The following ATL2 variants were observed in gnomAD, a reference collection of about 807,000 sequenced individuals.
ATL2 encodes the protein atlastin-2.
ATL2 carries 31 observed loss-of-function variants against 73.9 expected under a neutral mutation model. That is an observed-to-expected ratio of 0.42 (90% CI 0.32 to 0.57). The LOEUF (loss-of-function observed/expected upper bound fraction) is 0.57, where lower values mean the gene tolerates loss of function less well. Ranked by LOEUF, ATL2 falls within the 20% of genes least tolerant of loss-of-function variation. ATL2 has a pLI of 0.14. For synonymous variants in ATL2, 291 were observed against 237.5 expected (o/e 1.23, Z -2.07); for missense variants, 738 against 702.6 (o/e 1.05, Z -0.57).
chr2:38,358,442 C>A (rs1450358868), intron 1 of ATL2: 1 of 167,548 alleles, frequency 6.0e-6, no homozygotes, highest in Non-Finnish European at 1.3e-5. Context: ...GTGGCTCACA[C>A]CTGTAATCCC....
At chr2:38,363,236 A>T (rs957182208) in intron 1 of ATL2, among the ~76,000 whole-genome samples, 2 of 152,182 alleles carry the variant, frequency 1.3e-5, no homozygotes, top group African/African-American at 4.8e-5. Context: ...TCCTCCAACT[A>T]AGCCAAACTG....
At chr2:38,332,993 G>C (rs1045264121) in intron 2 of ATL2, among the ~76,000 whole-genome samples, 1 of 151,978 alleles carries the variant, frequency 6.6e-6, no homozygotes, top group Non-Finnish European at 1.5e-5. Context: ...GGAGTTCAAG[G>C]ACAGCCTGGG....
chr2:38,322,913 A>C (rs1409708238), intron 2 of ATL2, among the ~76,000 whole-genome samples: 1 of 152,208 alleles, frequency 6.6e-6, no homozygotes, highest in Non-Finnish European at 1.5e-5. Context: ...TGAAAAAATA[A>C]ATCAGAGAAC....
intron 11 of ATL2, 98 bp downstream of exon 11, chr2:38,299,158 C>A: frequency 3.4e-6 from 4 of 1,168,886 alleles, no homozygotes; most frequent in Non-Finnish European, 4.5e-6. Context: ...ATAAGCTGCA[C>A]AAATTCGCTC....
chr2:38,370,587 G>A (rs369233113), intron 1 of ATL2, among the ~76,000 whole-genome samples: 16 of 151,476 alleles, frequency 1.1e-4, no homozygotes, highest in African/African-American at 1.7e-4. Flanking sequence ...CCTGACCAAC[G>A]TGGTAAGACC....
chr2:38,331,319 C>T (rs980829808), intron 2 of ATL2, among the ~76,000 whole-genome samples: 1 of 151,642 alleles, frequency 6.6e-6, no homozygotes, highest in Non-Finnish European at 1.5e-5. Context: ...ACCTGTAGTC[C>T]CAGTTACTCA....
At chr2:38,310,497 T>C (rs780327810) in intron 7 of ATL2, 50 bp from the exon 8 acceptor site, 8 of 1,532,172 alleles carry the variant, frequency 5.2e-6, no homozygotes, top group Non-Finnish European at 7.1e-6. Flanking sequence ...AAAGAAAATT[T>C]TTTTAAAGAA....
At chr2:38,367,274 A>C (rs572826414) in intron 1 of ATL2, among the ~76,000 whole-genome samples, 4 of 151,970 alleles carry the variant, frequency 2.6e-5, no homozygotes, top group Non-Finnish European at 4.4e-5. Context: ...ACTCTCCGAC[A>C]ATAAAAAGAG....
At chr2:38,311,338 A>T (rs190645625) in intron 7 of ATL2, among the ~76,000 whole-genome samples, 6 of 148,516 alleles carry the variant, frequency 4.0e-5, no homozygotes, top group Admixed American at 3.4e-4. Context: ...TTAAACTTAG[A>T]AACATTTTAG....
Position 38,318,554 on chromosome 2 carries a change from G to C in ATL2, c.584C>G (p.Thr195Ser), listed in dbSNP as rs921000552. ...TCTCACCTGGACAGAGCTAGTCATA[G>C]TGCTCAGAGCAAACACCGTTGCACA... is the stretch of plus-strand genomic sequence containing the variant. ...KDCATVFALS[T>S]MTSSVQVYNL... Residue 195 changes from threonine to serine, a missense_variant, in exon 4 of 13, where the codon ACT becomes AGT. Coordinates refer to ENST00000378954, the MANE Select transcript of ATL2 (RefSeq NM_001135673.4). 2.5e-6 allele frequency: 4 copies of C among 1,607,060 alleles called. No individual in the cohort carries two copies. Among genetic ancestry groups the C allele is most frequent in the Non-Finnish European group, 2.5e-6 (3 of 1,178,006 alleles).
Position 38,343,252 on chromosome 2 carries a change from T to C in ATL2, c.363+16A>G. The C allele has an allele frequency of 6.4e-7, 1 of 1,567,108 alleles. No homozygotes were observed. The highest frequency in any genetic ancestry group is 1.4e-5 in the African/African-American group (1 of 71,430). Reference sequence around the variant, plus strand: ...TTTTTTCTTTTTAATTGGGTTCAATTTAAAAGACTATTCACCTTGTTATAC... The same window carrying C: ...TTTTTTCTTTTTAATTGGGTTCAATCTAAAAGACTATTCACCTTGTTATAC... On this transcript the variant is annotated intron_variant, in intron 2 of 12. Transcript: ENST00000378954.
At chr2:38,357,097 AGGC>A (rs1670711105) in intron 1 of ATL2, among the ~76,000 whole-genome samples, 5 of 152,154 alleles carry the variant, frequency 3.3e-5, no homozygotes, top group African/African-American at 1.2e-4. Flanking sequence ...TGGGAGGCCG[AGGC>A]AGGTGGATCA....
intron 2 of ATL2, among the ~76,000 whole-genome samples, chr2:38,333,829 C>T (rs1669141692): frequency 6.6e-6 from 1 of 152,134 alleles, no homozygotes; most frequent in Non-Finnish European, 1.5e-5. Flanking sequence ...ATATTGTAAA[C>T]ACTTCCATCT....
chr2:38,375,861 G>A (rs965637576), intron 1 of ATL2, among the ~76,000 whole-genome samples: 6 of 152,166 alleles, frequency 3.9e-5, no homozygotes, highest in African/African-American at 1.4e-4. Context: ...AATAAAATAA[G>A]CTTTATTTCC....
intron 1 of ATL2, among the ~76,000 whole-genome samples, chr2:38,363,372 G>T (rs547543543): frequency 4.8e-4 from 56 of 115,716 alleles, no homozygotes; most frequent in Non-Finnish European, 8.2e-4. Flanking sequence ...TAAAAAGGTG[G>T]GGGGGGGGGT....
At chr2:38,328,042 T>C (rs1668767935) in intron 2 of ATL2, among the ~76,000 whole-genome samples, 1 of 152,144 alleles carries the variant, frequency 6.6e-6, no homozygotes, top group South Asian at 2.1e-4. Context: ...GAAGTAAAGG[T>C]ATGGGAAAAA....
At chr2:38,358,701 A>T (rs1482213647) in intron 1 of ATL2, 2 of 165,242 alleles carry the variant, frequency 1.2e-5, no homozygotes, top group East Asian at 1.9e-4. Flanking sequence ...GAAAAAAAAA[A>T]AAAATTATTT....
At chr2:38,378,264 A>G (rs1672090226), upstream of ATL2, among the ~76,000 whole-genome samples, 2 of 152,222 alleles carry the variant, frequency 1.3e-5, 1 homozygote. Flanking sequence ...CACAATCTCT[A>G]GAAAAGCACT....
chr2:38,319,818 C>T (rs1004356078), intron 2 of ATL2, among the ~76,000 whole-genome samples: 1 of 151,932 alleles, frequency 6.6e-6, no homozygotes, highest in Non-Finnish European at 1.5e-5. Flanking sequence ...AAAAAATAAT[C>T]AATTTTAGGC....
Sources: allele counts gnomAD v4.1 joint callset (sites outside exome capture counted in the v4.1 genomes callset), GRCh38; gene constraint gnomAD v4.1.1; transcripts MANE v1.5; gene names NCBI Gene and HGNC (gene_info 2026-07-23, HGNC 2026-07-21).